The following MFAP2 variants were observed in gnomAD, a reference collection of about 807,000 sequenced individuals.
MFAP2 encodes the protein microfibril associated protein 2.
In MFAP2, 23 loss-of-function variants were observed where a neutral mutation model predicts 30.6. The ratio of observed to expected loss-of-function variants is 0.75; its 90% CI spans 0.54 to 1.07. The LOEUF (loss-of-function observed/expected upper bound fraction) is 1.07. Ranked by LOEUF, MFAP2 falls within the 50% of genes least tolerant of loss-of-function variation. The pLI is 0.00. For missense variants in MFAP2, 198 were observed against 223.8 expected (o/e 0.88, Z 0.74); for synonymous variants, 73 against 85.7 (o/e 0.85, Z 0.82).
chr1:16,980,586 C>G lies in MFAP2; in HGVS notation c.-42+1G>C, dbSNP rs898562260. On this transcript the variant is annotated splice_donor_variant, in intron 1 of 8. Transcript: ENST00000375535. LOFTEE classifies it low-confidence loss of function (5UTR_SPLICE). The stretch of plus-strand genomic sequence containing the variant: ...CCCCCAAGCGCCAGGCCCGCGCCTA[C>G]CTGTCCGGGTCACTCCGCCGCCCGC... The G allele has an allele frequency of 6.6e-6, 1 of 152,174 alleles. No homozygotes were observed. The highest frequency in any genetic ancestry group is 6.6e-5 in the Admixed American group (1 of 15,266). The allele number at this position is 152,174 out of a possible 1,614,324, so 9.4% of individuals were successfully genotyped here. A position where few individuals can be genotyped will look rare whatever the true frequency, so the allele number is the denominator to read the frequency against.
intron 1 of MFAP2, chr1:16,979,254 C>A (rs1312443886): frequency 6.6e-6 from 1 of 152,446 alleles, no homozygotes; most frequent in East Asian, 1.9e-4. Flanking sequence ...CCAGCCCCAG[C>A]TCAGTGGAGG....
In MFAP2 at chr1:16,976,500, C is replaced by T. The variant is rs751266075; in HGVS notation, c.286+1G>A. ...TTTCCAGCTGTCAAGAAAGCCCTTA[C>T]CAAGAGGCCCAGGCTCTGTGGGCTC... is the stretch of plus-strand genomic sequence containing the variant. On this transcript the variant is annotated splice_donor_variant, in intron 6 of 8. Coordinates refer to ENST00000375535, the MANE Select transcript of MFAP2 (RefSeq NM_002403.4). LOFTEE classifies it high-confidence loss of function. This position sits in a 1 kb window ranked among gnomAD's most constrained non-coding sequence, Gnocchi z 5.5. 18 of 1,614,114 alleles carry T rather than the reference C, an allele frequency of 1.1e-5. No homozygotes were observed. In the South Asian group the frequency reaches 2.0e-4, roughly 18 times the overall value.
chr1:16,975,845 G>A lies in MFAP2; in HGVS notation c.287-115C>T. The A allele has an allele frequency of 1.3e-6, 1 of 794,732 alleles. No individual in the cohort carries two copies. Among genetic ancestry groups the A allele is most frequent in the African/African-American group, 1.7e-5 (1 of 57,422 alleles). 49.2% of individuals were successfully genotyped at this position (794,732 alleles called of 1,614,324 possible). A position where few individuals can be genotyped will look rare whatever the true frequency, so the allele number is the denominator to read the frequency against. ...CCCCTGTACCTTCAGGCCCCGTGCA[G>A]ACACCCATACCTACACATGCCCACA... On this transcript the variant is annotated intron_variant, in intron 6 of 8. Transcript: ENST00000375535. The surrounding 1 kb of genome is among the most constrained non-coding windows in gnomAD (Gnocchi z 5.0).
At chr1:16,980,068 C>T (rs2076624680) in intron 1 of MFAP2, among the ~76,000 whole-genome samples, 1 of 151,946 alleles carries the variant, frequency 6.6e-6, no homozygotes, top group Non-Finnish European at 1.5e-5. Flanking sequence ...GACGCTCGCT[C>T]AGACATCAGA....
intron 1 of MFAP2, among the ~76,000 whole-genome samples, chr1:16,980,267 A>G (rs12754545): frequency 0.014 from 1,158 of 80,094 alleles, 21 homozygotes; most frequent in East Asian, 0.072. Context: ...TTCCCACCGG[A>G]CCCCCCCCCC....
Position 16,975,628 on chromosome 1 carries a change from C to T in MFAP2, c.374+15G>A, listed in dbSNP as rs765485892. The T allele has an allele frequency of 6.2e-7, 1 of 1,612,544 alleles. No homozygotes were observed. The highest frequency in any genetic ancestry group is 1.3e-5 in the African/African-American group (1 of 74,892). ...TGCTCCGGAATCCTCCCGACAGCTG[C>T]CCATCTGTGCTCACCTGTAGAAGCA... On this transcript the variant is annotated intron_variant, in intron 7 of 8. Coordinates refer to ENST00000375535, the MANE Select transcript of MFAP2 (RefSeq NM_002403.4). The surrounding 1 kb of genome is among the most constrained non-coding windows in gnomAD (Gnocchi z 5.0).
rs1489818181 is a variant in MFAP2 at position 16,976,976 on chromosome 1, C to T, written c.128-53G>A. On this transcript the variant is annotated intron_variant, in intron 3 of 8. Coordinates refer to ENST00000375535, the MANE Select transcript of MFAP2 (RefSeq NM_002403.4). The surrounding 1 kb of genome is among the most constrained non-coding windows in gnomAD (Gnocchi z 5.5). ...GTGGGAGTAAGGCTAATCCCCCAGC[C>T]CCTGGGGCAAACAAGTTCCCTCCTG... The T allele has an allele frequency of 1.8e-5, 29 of 1,613,662 alleles. No homozygotes were observed. The highest frequency in any genetic ancestry group is 2.5e-5 in the Non-Finnish European group (29 of 1,179,768).
In MFAP2 at chr1:16,974,889, G is replaced by A; in HGVS notation, c.*31C>T. On this transcript the variant is annotated 3_prime_UTR_variant, in exon 9 of 9. Coordinates refer to ENST00000375535, the MANE Select transcript of MFAP2 (RefSeq NM_002403.4). ...AGGGCCCGAGGGCCCCAGATCCCAG[G>A]AGGGCCAGGACTCAGGATGCCAGCA... 2 of 617,184 alleles carry A rather than the reference G, an allele frequency of 3.2e-6. No homozygotes were observed. Among genetic ancestry groups the A allele is most frequent in the Non-Finnish European group, 5.7e-6 (2 of 350,682 alleles). The allele number at this position is 617,184 out of a possible 1,614,324, so 38.2% of individuals were successfully genotyped here.
rs1410545316 is a variant in MFAP2, at chr1:16,975,248, T to C, written c.448+21A>G. On this transcript the variant is annotated intron_variant, in intron 8 of 8. Transcript: ENST00000375535. The surrounding 1 kb of genome is among the most constrained non-coding windows in gnomAD (Gnocchi z 5.0). The stretch of plus-strand genomic sequence containing the variant: ...TGCGGGTGTGGGGACAGGGGAGGTC[T>C]TGGGGAGGTGGCCTTCCTACCTCGG... 1 of 1,609,026 alleles carries C rather than the reference T, an allele frequency of 6.2e-7. No homozygotes were observed. The highest frequency in any genetic ancestry group is 1.3e-5 in the African/African-American group (1 of 74,960).
rs2076590881 is a variant in MFAP2 at position 16,976,308 on chromosome 1, C to A, written c.286+193G>T. On this transcript the variant is annotated intron_variant, in intron 6 of 8. Transcript: ENST00000375535. This position sits in a 1 kb window ranked among gnomAD's most constrained non-coding sequence, Gnocchi z 5.5. ...CCAATTTAGCCTCCAGCCAGGCACA[C>A]TGGGGACAGGTGGGACCTCCTGGAG... is the stretch of plus-strand genomic sequence containing the variant. The A allele has an allele frequency of 2.9e-6, 2 of 678,868 alleles. No individual in the cohort carries two copies. Among genetic ancestry groups the A allele is most frequent in the East Asian group, 2.7e-5 (1 of 37,436 alleles). The allele number at this position is 678,868 out of a possible 1,614,324, so 42.1% of individuals were successfully genotyped here.
At chr1:16,980,267 A>ACCCCCCCC (rs60000302) in intron 1 of MFAP2, among the ~76,000 whole-genome samples, 2 of 80,296 alleles carry the variant, frequency 2.5e-5, no homozygotes, top group African/African-American at 6.7e-5. Flanking sequence ...TTCCCACCGG[A>ACCCCCCCC]CCCCCCCCCC....
chr1:16,978,260 T>C lies in MFAP2; in HGVS notation c.14A>G (p.Tyr5Cys). 3 of 1,577,624 alleles carry C rather than the reference T, an allele frequency of 1.9e-6. No homozygotes were observed. Among genetic ancestry groups the C allele is most frequent in the Non-Finnish European group, 2.6e-6 (3 of 1,161,418 alleles). MRAA[Y>C]LFLLFLPAGL... Reference sequence around the variant, plus strand: ...ACCAGGCAGGAATAGCAGGAAGAGGTAGGCAGCTCTCATGGCAACAAAGAG... The same window carrying C: ...ACCAGGCAGGAATAGCAGGAAGAGGCAGGCAGCTCTCATGGCAACAAAGAG... Residue 5 changes from tyrosine (Y) to cysteine (C), a missense_variant, in exon 2 of 9, where the codon TAC becomes TGC. Physicochemically the swap from Tyr to Cys is radical, Grantham distance 194. Transcript: ENST00000375535.
Position 16,976,908 on chromosome 1 carries a change from T to C in MFAP2, c.143A>G (p.Tyr48Cys). 1 of 1,614,070 alleles carries C rather than the reference T, an allele frequency of 6.2e-7. No homozygotes were observed. Among genetic ancestry groups the C allele is most frequent in the East Asian group, 2.2e-5 (1 of 44,868 alleles). Reference protein sequence around the residue: ...YSDQIDNPDYYDYQEVTPRPS... With the variant: ...YSDQIDNPDYCDYQEVTPRPS... The stretch of plus-strand genomic sequence containing the variant: ...CCCTAGCCCGTTACCTTGATAATCA[T>C]AGTAGTCTGGGTTGTCTGCAAACAA... Residue 48 changes from tyrosine to cysteine, a missense_variant, in exon 4 of 9, where the codon TAT becomes TGT. Coordinates refer to ENST00000375535, the MANE Select transcript of MFAP2 (RefSeq NM_002403.4). The surrounding 1 kb of genome is among the most constrained non-coding windows in gnomAD (Gnocchi z 5.5).
In MFAP2 at chr1:16,977,973, G is replaced by A. The variant is rs565524696; in HGVS notation, c.37+264C>T. ...GAGAGGCCTTGTGCCTTGTGCCCAC[G>A]GAGTCCTTGTGCCTGGGACGTGCCC... On this transcript the variant is annotated intron_variant, in intron 2 of 8. Coordinates refer to ENST00000375535, the MANE Select transcript of MFAP2 (RefSeq NM_002403.4). The A allele has an allele frequency of 1.4e-3, 620 of 428,102 alleles. 1 individual carries two copies. Among genetic ancestry groups the A allele is most frequent in the Admixed American group, 1.6e-3 (41 of 25,472 alleles). 26.5% of individuals were successfully genotyped at this position (428,102 alleles called of 1,614,324 possible).
At chr1:16,981,002 A>T (rs1445430632), upstream of MFAP2, among the ~76,000 whole-genome samples, 1 of 152,032 alleles carries the variant, frequency 6.6e-6, no homozygotes, top group Non-Finnish European at 1.5e-5. Flanking sequence ...GCCTTCTCCC[A>T]GCTTCCAGGA....
rs757653560 is a variant in MFAP2 at position 16,975,249 on chromosome 1, T to C, written c.448+20A>G. 23 of 1,608,842 alleles carry C rather than the reference T, an allele frequency of 1.4e-5. No homozygotes were observed. The highest frequency in any genetic ancestry group is 1.8e-5 in the Non-Finnish European group (21 of 1,176,506). Reference sequence around the variant, plus strand: ...GCGGGTGTGGGGACAGGGGAGGTCTTGGGGAGGTGGCCTTCCTACCTCGGA... The same window carrying C: ...GCGGGTGTGGGGACAGGGGAGGTCTCGGGGAGGTGGCCTTCCTACCTCGGA... On this transcript the variant is annotated intron_variant, in intron 8 of 8. Coordinates refer to ENST00000375535, the MANE Select transcript of MFAP2 (RefSeq NM_002403.4). This position sits in a 1 kb window ranked among gnomAD's most constrained non-coding sequence, Gnocchi z 5.0.
Position 16,975,183 on chromosome 1 carries a change from G to T in MFAP2, c.448+86C>A. On this transcript the variant is annotated intron_variant, in intron 8 of 8. Coordinates refer to ENST00000375535, the MANE Select transcript of MFAP2 (RefSeq NM_002403.4). This position sits in a 1 kb window ranked among gnomAD's most constrained non-coding sequence, Gnocchi z 5.0. The stretch of plus-strand genomic sequence containing the variant: ...GTGGGCCTGGTGGATAATATGTGTT[G>T]AATAAACATCAGGTGGGTGGCTAGG... 2 of 1,372,924 alleles carry T rather than the reference G, an allele frequency of 1.5e-6. No homozygotes were observed. Among genetic ancestry groups the T allele is most frequent in the South Asian group, 1.2e-5 (1 of 80,782 alleles). The allele number at this position is 1,372,924 out of a possible 1,614,324, so 85.0% of individuals were successfully genotyped here. A position where few individuals can be genotyped will look rare whatever the true frequency, so the allele number is the denominator to read the frequency against.
intron 1 of MFAP2, among the ~76,000 whole-genome samples, chr1:16,980,246 T>C (rs2076626401): frequency 6.8e-6 from 1 of 147,020 alleles, no homozygotes; most frequent in Admixed American, 6.8e-5. Flanking sequence ...TCTGCGTCTC[T>C]GTCTCGGCCA....
rs192753434 is a variant in MFAP2 at position 16,977,871 on chromosome 1, G to A, written c.37+366C>T. On this transcript the variant is annotated intron_variant, in intron 2 of 8. Coordinates refer to ENST00000375535, the MANE Select transcript of MFAP2 (RefSeq NM_002403.4). ...AAGGTCAGGACTGTATAGAGCAGAA[G>A]GGCCCTGAATGGATCTAGAACTCAA... 6.3e-5 allele frequency: 16 copies of A among 252,938 alleles called. No homozygotes were observed. The East Asian group carries it at 1.4e-3, about 23-fold the overall frequency. 15.7% of individuals were successfully genotyped at this position (252,938 alleles called of 1,614,324 possible).
Sources: allele counts gnomAD v4.1 joint callset (sites outside exome capture counted in the v4.1 genomes callset), GRCh38; gene constraint gnomAD v4.1.1; non-coding constraint Gnocchi (gnomAD v3.1); transcripts MANE v1.5; gene names NCBI Gene and HGNC (gene_info 2026-07-23, HGNC 2026-07-21).